PARD3B: variants seen among roughly 807,000 people sequenced by gnomAD.
PARD3B encodes partitioning defective 3 homolog B.
PARD3B carries 103 observed loss-of-function variants against 130.2 expected under a neutral mutation model. The observed-to-expected ratio is 0.79, with a 90% confidence interval of 0.67 to 0.93. The LOEUF (loss-of-function observed/expected upper bound fraction) is 0.93. Ranked by LOEUF, PARD3B falls within the 40% of genes least tolerant of loss-of-function variation. The pLI is 0.00. For synonymous variants in PARD3B, 583 were observed against 553.2 expected, an observed-to-expected ratio of 1.05 and a Z score of -0.76; for missense variants, 1,609 against 1,499.2, an observed-to-expected ratio of 1.07 and a Z score of -1.21.
intron 13 of PARD3B, among the ~76,000 whole-genome samples, chr2:205,181,810 T>A (rs1016957703): frequency 6.6e-6 from 1 of 152,202 alleles, no homozygotes; most frequent in Non-Finnish European, 1.5e-5. Flanking sequence ...TGTGTCAACA[T>A]TTACAGGCAT....
At chr2:205,117,377 T>C (rs950820789) in intron 6 of PARD3B, among the ~76,000 whole-genome samples, 2 of 152,220 alleles carry the variant, frequency 1.3e-5, no homozygotes, top group African/African-American at 2.4e-5. Flanking sequence ...TGTTTGCTGT[T>C]CTTTCTCCTG....
Position 205,589,213 on chromosome 2 carries a change from G to A in PARD3B, c.3261-26243G>A, listed in dbSNP as rs151330761. Among the ~76,000 whole-genome samples the A allele has an allele frequency of 1.9e-3, 296 of 152,302 alleles. 2 individuals are homozygous for A. The highest frequency in any genetic ancestry group is 3.2e-3 in the Non-Finnish European group (221 of 68,028). ...TGAGATAGGAGGATCTCTTGAGCCC[G>A]GGAGGTCGAGGCAGCTGTAGTAAGC... On this transcript the variant is annotated intron_variant, in intron 22 of 22. Coordinates refer to ENST00000406610, the MANE Select transcript of PARD3B (RefSeq NM_001302769.2). The surrounding 1 kb of genome is among the most constrained non-coding windows in gnomAD (Gnocchi z 4.1).
At chr2:204,580,248 T>G (rs2032481705) in intron 1 of PARD3B, among the ~76,000 whole-genome samples, 1 of 149,624 alleles carries the variant, frequency 6.7e-6, no homozygotes, top group Non-Finnish European at 1.5e-5. Flanking sequence ...TAGGGGTACT[T>G]TCTCTCTCTT....
At chr2:205,396,951 A>C (rs1277864517) in intron 18 of PARD3B, among the ~76,000 whole-genome samples, 3 of 152,172 alleles carry the variant, frequency 2.0e-5, no homozygotes, top group Non-Finnish European at 2.9e-5. Flanking sequence ...AATGATCCCC[A>C]CAAAGGCTGC....
At chr2:204,991,882 G>T (rs1693723638) in intron 3 of PARD3B, among the ~76,000 whole-genome samples, 1 of 149,932 alleles carries the variant, frequency 6.7e-6, no homozygotes, top group African/African-American at 2.4e-5. Flanking sequence ...CTTCTTTTGA[G>T]ACGTGTCTGT....
chr2:204,633,741 G>C (rs1039683685), intron 1 of PARD3B, among the ~76,000 whole-genome samples: 4 of 152,270 alleles, frequency 2.6e-5, no homozygotes, highest in Admixed American at 2.6e-4. Flanking sequence ...GAACCCAGGA[G>C]GCAGAGGTTG....
chr2:205,415,637 A>G (rs1413370424), intron 19 of PARD3B, among the ~76,000 whole-genome samples: 1 of 152,184 alleles, frequency 6.6e-6, no homozygotes, highest in African/African-American at 2.4e-5. Flanking sequence ...TGCAATCCTC[A>G]TTGATCAATT....
In PARD3B at chr2:204,716,395, A is replaced by C. The variant is rs181658914; in HGVS notation, c.222+30113A>C. 3.6e-3 allele frequency among the ~76,000 whole-genome samples: 553 copies of C among 152,136 alleles called. 3 individuals are homozygous for C. The highest frequency in any genetic ancestry group is 0.013 in the African/African-American group (537 of 41,502). ...CGATTTGTATATACATGAAAATTTGAAAAACACTGGCTTAGGGGGCCAGAG... is the reference window on the plus strand; with the variant it reads ...CGATTTGTATATACATGAAAATTTGCAAAACACTGGCTTAGGGGGCCAGAG... On this transcript the variant is annotated intron_variant, in intron 2 of 22. Coordinates refer to ENST00000406610, the MANE Select transcript of PARD3B (RefSeq NM_001302769.2).
At chr2:204,925,221 C>T (rs1206047815) in intron 2 of PARD3B, among the ~76,000 whole-genome samples, 1 of 152,048 alleles carries the variant, frequency 6.6e-6, no homozygotes, top group Admixed American at 6.6e-5. Context: ...AGTGTAGTTA[C>T]TTACTGTGTC....
chr2:205,298,037 C>T (rs139857963), intron 16 of PARD3B, among the ~76,000 whole-genome samples: 520 of 152,308 alleles, frequency 3.4e-3, no homozygotes, highest in South Asian at 0.025. Flanking sequence ...TTTTAGATAA[C>T]GTGCCTTCTA....
chr2:204,555,135 T>G (rs1215572265), intron 1 of PARD3B, among the ~76,000 whole-genome samples: 2 of 152,220 alleles, frequency 1.3e-5, no homozygotes, highest in Non-Finnish European at 1.5e-5. Context: ...AACTCACTGC[T>G]GGGGGAATTA....
intron 10 of PARD3B, among the ~76,000 whole-genome samples, chr2:205,156,906 T>A (rs1239803723): frequency 6.6e-6 from 1 of 152,176 alleles, no homozygotes; most frequent in African/African-American, 2.4e-5. Context: ...ATGATAAGTG[T>A]TAGTGCAAAG....
chr2:205,302,862 C>T (rs1302601159), intron 18 of PARD3B, among the ~76,000 whole-genome samples: 6 of 152,208 alleles, frequency 3.9e-5, no homozygotes, highest in Non-Finnish European at 2.9e-5. Context: ...ACTTTCCTTA[C>T]TTTTAAAATG....
rs547388568 is a variant in PARD3B, at chr2:205,392,299, G to A, written c.2631-8714G>A. 3.9e-5 allele frequency among the ~76,000 whole-genome samples: 6 copies of A among 152,256 alleles called. No individual in the cohort carries two copies. The South Asian group carries it at 1.2e-3, about 32-fold the overall frequency. On this transcript the variant is annotated intron_variant, in intron 18 of 22. Transcript: ENST00000406610. ...AACATCAACATATTTGAGATCTGAA[G>A]ATTCCCTGATTCAGAATGAGAAATT...
Position 204,998,469 on chromosome 2 carries a change from A to ATATATATGTGTATATAATATATG in PARD3B, c.394+33154_394+33176dup, listed in dbSNP as rs1559342004. Among the ~76,000 whole-genome samples, 11 of 95,870 alleles carry ATATATATGTGTATATAATATATG rather than the reference A, an allele frequency of 1.1e-4. 1 individual carries two copies. The highest frequency in any genetic ancestry group is 6.6e-4 in the East Asian group (3 of 4,512). The allele number at this position is 95,870 out of a possible 152,430, so 62.9% of individuals were successfully genotyped here. A position where few individuals can be genotyped will look rare whatever the true frequency, so the allele number is the denominator to read the frequency against. ...ATATATATGTGTATATTATATATGT[A>ATATATATGTGTATATAATATATG]TATATATGTGTATATAATATATGTA... is the stretch of plus-strand genomic sequence containing the variant. On this transcript the variant is annotated intron_variant, in intron 3 of 22. Transcript: ENST00000406610.
intron 21 of PARD3B, among the ~76,000 whole-genome samples, chr2:205,504,369 CA>C: frequency 6.6e-6 from 1 of 152,206 alleles, no homozygotes; most frequent in East Asian, 1.9e-4. Context: ...AAAGCAATGG[CA>C]ACAAAAGCCA....
intron 2 of PARD3B, among the ~76,000 whole-genome samples, chr2:204,923,988 A>C (rs2047783707): frequency 6.6e-6 from 1 of 152,096 alleles, no homozygotes; most frequent in Non-Finnish European, 1.5e-5. Flanking sequence ...TTAGTGATAT[A>C]GTATTTGATG....
chr2:204,645,158 C>T (rs1045619941), intron 1 of PARD3B, among the ~76,000 whole-genome samples: 1 of 152,110 alleles, frequency 6.6e-6, no homozygotes, highest in Non-Finnish European at 1.5e-5. Flanking sequence ...CTGTCACTGA[C>T]GCTGAGATGG....
rs1172064628 is a variant in PARD3B, at chr2:205,458,608, T to C, written c.3044+17936T>C. On this transcript the variant is annotated intron_variant, in intron 20 of 22. Transcript: ENST00000406610. This position sits in a 1 kb window ranked among gnomAD's most constrained non-coding sequence, Gnocchi z 4.8. Reference sequence around the variant, plus strand: ...TCTGATGAAATTCTCCATCATATTATCTTTTTTCTTGAATAAATTAATTGC... The same window carrying C: ...TCTGATGAAATTCTCCATCATATTACCTTTTTTCTTGAATAAATTAATTGC... Among the ~76,000 whole-genome samples, 2 of 152,234 alleles carry C rather than the reference T, an allele frequency of 1.3e-5. No homozygotes were observed. The highest frequency in any genetic ancestry group is 2.4e-5 in the African/African-American group (1 of 41,470).
Sources: allele counts gnomAD v4.1 joint callset (sites outside exome capture counted in the v4.1 genomes callset), GRCh38; gene constraint gnomAD v4.1.1; non-coding constraint Gnocchi (gnomAD v3.1); transcripts MANE v1.5; gene names NCBI Gene and HGNC (gene_info 2026-07-23, HGNC 2026-07-21).